Variants in EFEMP1 observed in about 807,000 individuals in gnomAD.
The protein encoded by EFEMP1 is EGF-like fibulin extracellular matrix protein 1, also known as EGF-containing fibulin-like extracellular matrix protein 1.
A neutral mutation model predicts 65.7 loss-of-function variants in EFEMP1; 18 were observed. The observed-to-expected ratio is 0.27, with a 90% CI of 0.19 to 0.41. The LOEUF (loss-of-function observed/expected upper bound fraction) is 0.41, where lower values mean the gene tolerates loss of function less well. Among genes scored for constraint, EFEMP1 ranks in the 10% least tolerant of loss-of-function variants. The pLI is 1.00. For missense variants in EFEMP1, 469 were observed against 624.8 expected, an observed-to-expected ratio of 0.75 and a Z score of 2.66; for synonymous variants, 237 against 219.7, an observed-to-expected ratio of 1.08 and a Z score of -0.70.
chr2:55,897,822 CAACCAG>C (rs1669886210), intron 5 of EFEMP1, among the ~76,000 whole-genome samples: 1 of 152,166 alleles, frequency 6.6e-6, no homozygotes. Context: ...CCTCTATCTA[CAACCAG>C]ATTACTTTTT....
At position 55,919,809 on chromosome 2, in the gene EFEMP1, C is replaced by T. The variant is rs1361017013; in HGVS notation, c.82-1542G>A. ...TTCCCAAACAGTGTTAAAGGTACCACTACCTTTTTCGAAACCCAGGATTCC... is the reference window on the plus strand; with the variant it reads ...TTCCCAAACAGTGTTAAAGGTACCATTACCTTTTTCGAAACCCAGGATTCC... On this transcript the variant is annotated intron_variant, in intron 3 of 11. Coordinates refer to ENST00000355426, the MANE Select transcript of EFEMP1 (RefSeq NM_001039348.3). This position sits in a 1 kb window ranked among gnomAD's most constrained non-coding sequence, Gnocchi z 4.5. 6.6e-6 allele frequency among the ~76,000 whole-genome samples: 1 copy of T among 152,172 alleles called. No homozygotes were observed. The highest frequency in any genetic ancestry group is 1.5e-5 in the Non-Finnish European group (1 of 68,034).
In EFEMP1 at chr2:55,870,186, A is replaced by G. The variant is rs1298568502; in HGVS notation, c.1320+534T>C. Reference sequence around the variant, plus strand: ...AGGTGGGGTCACTTCTCACATACTTATAGGTTTTAGTTTCGGTGTGAACAC... The same window carrying G: ...AGGTGGGGTCACTTCTCACATACTTGTAGGTTTTAGTTTCGGTGTGAACAC... On this transcript the variant is annotated intron_variant, in intron 11 of 11. Transcript: ENST00000355426. The surrounding 1 kb of genome is among the most constrained non-coding windows in gnomAD (Gnocchi z 5.8). 2.0e-5 allele frequency among the ~76,000 whole-genome samples: 3 copies of G among 152,140 alleles called. No individual in the cohort carries two copies. Among genetic ancestry groups the G allele is most frequent in the Non-Finnish European group, 4.4e-5 (3 of 68,020 alleles).
At chr2:55,912,247 T>C (rs1670505616) in intron 5 of EFEMP1, among the ~76,000 whole-genome samples, 1 of 152,164 alleles carries the variant, frequency 6.6e-6, no homozygotes, top group Non-Finnish European at 1.5e-5. Context: ...GGCTGTATAA[T>C]TATATGGAAG....
At chr2:55,876,488 A>G in intron 8 of EFEMP1, 135 bp downstream of exon 8, 1 of 1,273,266 alleles carries the variant, frequency 7.9e-7, no homozygotes, top group Non-Finnish European at 1.1e-6. Flanking sequence ...GTAACAACTG[A>G]ACTACATTAA....
chr2:55,890,230 A>T (rs893821578), intron 5 of EFEMP1, among the ~76,000 whole-genome samples: 4 of 152,028 alleles, frequency 2.6e-5, no homozygotes, highest in Admixed American at 6.5e-5. Context: ...TTAGAGAATT[A>T]AAAAAATACT....
rs748965004 is a variant in EFEMP1 at position 55,877,848 on chromosome 2, T to A, written c.658A>T (p.Ile220Phe). ...CATCTTTGGTGGCAATATGGAGGGA[T>A]GGTACATTCATCTATGTCTAGGTTA... ...EQCVDIDECT[I>F]PPYCHQRCVN... The change falls in exon 7 of 12, where the codon ATC becomes TTC. Residue 220 changes from isoleucine to phenylalanine, a missense_variant. By Grantham distance (21) the Ile-to-Phe change is conservative. Transcript: ENST00000355426. This position sits in a 1 kb window ranked among gnomAD's most constrained non-coding sequence, Gnocchi z 4.5. 217 of 1,612,958 alleles carry A rather than the reference T, an allele frequency of 1.3e-4. No individual in the cohort carries two copies. Among genetic ancestry groups the A allele is most frequent in the Non-Finnish European group, 1.7e-4 (195 of 1,179,222 alleles).
rs1668796056 is a variant in EFEMP1 at position 55,871,205 on chromosome 2, T to C, written c.1001-82A>G. The C allele has an allele frequency of 6.3e-7, 1 of 1,595,782 alleles. No homozygotes were observed. Among genetic ancestry groups the C allele is most frequent in the African/African-American group, 1.3e-5 (1 of 74,634 alleles). On this transcript the variant is annotated intron_variant, in intron 9 of 11. Transcript: ENST00000355426. The surrounding 1 kb of genome is among the most constrained non-coding windows in gnomAD (Gnocchi z 4.2). ...AAATCATATAACTGGCAGATTCTGT[T>C]TGCAAGGAAGGAGGTGTGAGAGCAT...
At position 55,922,090 on chromosome 2, in the gene EFEMP1, T is replaced by C; in HGVS notation, c.81+270A>G. On this transcript the variant is annotated intron_variant, in intron 3 of 11. Coordinates refer to ENST00000355426, the MANE Select transcript of EFEMP1 (RefSeq NM_001039348.3). This position sits in a 1 kb window ranked among gnomAD's most constrained non-coding sequence, Gnocchi z 5.5. ...TGTTTTGGAAACATGTAACTTTCTT[T>C]GGTTTTAGTTTTTGAACGGATCCCA... 2.4e-6 allele frequency: 1 copy of C among 418,814 alleles called. No individual in the cohort carries two copies. Among genetic ancestry groups the C allele is most frequent in the South Asian group, 2.1e-5 (1 of 46,908 alleles). 25.9% of individuals were successfully genotyped at this position (418,814 alleles called of 1,614,324 possible). A position where few individuals can be genotyped will look rare whatever the true frequency, so the allele number is the denominator to read the frequency against.
intron 8 of EFEMP1, among the ~76,000 whole-genome samples, chr2:55,876,352 C>G (rs1464620305): frequency 1.3e-5 from 2 of 152,154 alleles, no homozygotes; most frequent in Non-Finnish European, 2.9e-5. Context: ...TACCTGGTCA[C>G]TGGATAACAC....
intron 5 of EFEMP1, among the ~76,000 whole-genome samples, chr2:55,898,409 T>G (rs1418006411): frequency 2.0e-5 from 3 of 152,184 alleles, no homozygotes; most frequent in Non-Finnish European, 1.5e-5. Context: ...TTAAACTAAT[T>G]ATTATGATCC....
intron 5 of EFEMP1, among the ~76,000 whole-genome samples, chr2:55,905,876 G>A (rs1311048031): frequency 6.6e-6 from 1 of 152,156 alleles, no homozygotes; most frequent in African/African-American, 2.4e-5. Flanking sequence ...TCCATTTGGT[G>A]TATTAACCTT....
chr2:55,867,311 C>A lies in EFEMP1; in HGVS notation c.1321-77G>T. 4 of 1,496,362 alleles carry A rather than the reference C, an allele frequency of 2.7e-6. No individual in the cohort carries two copies. The highest frequency in any genetic ancestry group is 2.4e-5 in the East Asian group (1 of 41,494). The allele number at this position is 1,496,362 out of a possible 1,614,324, so 92.7% of individuals were successfully genotyped here. ...GTTTCTATGCTTTGTTAGTATACCT[C>A]CTATAAGAATTAGGGGGAGAATTTT... On this transcript the variant is annotated intron_variant, in intron 11 of 11. Transcript: ENST00000355426. This position sits in a 1 kb window ranked among gnomAD's most constrained non-coding sequence, Gnocchi z 4.3.
Position 55,871,406 on chromosome 2 carries a change from C to G in EFEMP1, c.1001-283G>C, listed in dbSNP as rs559419275. Among the ~76,000 whole-genome samples, 1 of 152,138 alleles carries G rather than the reference C, an allele frequency of 6.6e-6. No homozygotes were observed. Among genetic ancestry groups the G allele is most frequent in the African/African-American group, 2.4e-5 (1 of 41,512 alleles). ...ACCCCAATGTTAACCACTGACTCTG[C>G]CTATATAAAAGTTAAACACCAGTTC... On this transcript the variant is annotated intron_variant, in intron 9 of 11. Coordinates refer to ENST00000355426, the MANE Select transcript of EFEMP1 (RefSeq NM_001039348.3). This position sits in a 1 kb window ranked among gnomAD's most constrained non-coding sequence, Gnocchi z 4.2.
chr2:55,888,321 T>A (rs188288962), intron 5 of EFEMP1, among the ~76,000 whole-genome samples: 4 of 151,250 alleles, frequency 2.6e-5, no homozygotes, highest in African/African-American at 7.3e-5. Context: ...ACTCTTTTTT[T>A]TTCCTTCTTA....
chr2:55,899,915 A>G (rs1292164797), intron 5 of EFEMP1, among the ~76,000 whole-genome samples: 1 of 151,908 alleles, frequency 6.6e-6, no homozygotes, highest in Non-Finnish European at 1.5e-5. Context: ...AAGTTTTATA[A>G]TTTTTTTTCT....
intron 9 of EFEMP1, among the ~76,000 whole-genome samples, chr2:55,872,716 C>T (rs899304033): frequency 2.6e-5 from 4 of 152,036 alleles, no homozygotes; most frequent in Admixed American, 2.0e-4. Flanking sequence ...AGGTAGTCTC[C>T]AAGAGACAGT....
chr2:55,872,476 G>A (rs1412944841), intron 9 of EFEMP1, among the ~76,000 whole-genome samples: 2 of 152,076 alleles, frequency 1.3e-5, no homozygotes, highest in Non-Finnish European at 2.9e-5. Flanking sequence ...AGAGCATCTG[G>A]CTTTTAAGAA....
chr2:55,877,874 T>A lies in EFEMP1; in HGVS notation c.641-9A>T, dbSNP rs1669096634. 6.2e-7 allele frequency: 1 copy of A among 1,612,702 alleles called. No homozygotes were observed. The highest frequency in any genetic ancestry group is 1.7e-5 in the Admixed American group (1 of 59,952). Reference sequence around the variant, plus strand: ...GGTACATTCATCTATGTCTAGGTTATCAGGCACACACACAAAGAGAACCAA... The same window carrying A: ...GGTACATTCATCTATGTCTAGGTTAACAGGCACACACACAAAGAGAACCAA... On this transcript the variant is annotated splice_polypyrimidine_tract_variant and intron_variant, in intron 6 of 11. Transcript: ENST00000355426. This position sits in a 1 kb window ranked among gnomAD's most constrained non-coding sequence, Gnocchi z 4.5.
chr2:55,897,383 C>G (rs6732798), intron 5 of EFEMP1, among the ~76,000 whole-genome samples: 60,218 of 138,776 alleles, frequency 0.43, 12,421 homozygotes, highest in East Asian at 0.79. Flanking sequence ...CTTCCTAAAT[C>G]TGATAGAAAA....
Sources: allele counts gnomAD v4.1 joint callset (sites outside exome capture counted in the v4.1 genomes callset), GRCh38; gene constraint gnomAD v4.1.1; non-coding constraint Gnocchi (gnomAD v3.1); transcripts MANE v1.5; gene names NCBI Gene and HGNC (gene_info 2026-07-23, HGNC 2026-07-21).